Variants in TRMT11 observed in about 807,000 individuals in gnomAD.
The protein encoded by TRMT11 is tRNA (guanine(10)-N(2))-methyltransferase TRMT11.
Under a neutral mutation model 62.8 loss-of-function variants are expected in TRMT11, and 53 were observed. That is an observed-to-expected ratio of 0.84 (90% CI 0.68 to 1.06). The LOEUF is 1.06. Ranked by LOEUF, TRMT11 falls within the 50% of genes least tolerant of loss-of-function variation. TRMT11 has a pLI of 0.00. For synonymous variants in TRMT11, 188 were observed against 190.3 expected, an observed-to-expected ratio of 0.99 and a Z score of 0.10; for missense variants, 556 against 553.4, an observed-to-expected ratio of 1.00 and a Z score of -0.05.
At chr6:126,202,290 G>GTTTCA (rs1385177243), downstream of TRMT11, 1 of 152,096 alleles carries the variant, frequency 6.6e-6, no homozygotes, top group Non-Finnish European at 1.5e-5. Flanking sequence ...CATATTTTCT[G>GTTTCA]TGTTTCTTAG....
chr6:126,229,814 G>A, the TRMT11 span, among the ~76,000 whole-genome samples: 1 of 152,122 alleles, frequency 6.6e-6, no homozygotes, highest in Admixed American at 6.6e-5. Flanking sequence ...ATCCTTTCAT[G>A]ATATTGTAGT....
downstream of TRMT11, among the ~76,000 whole-genome samples, chr6:126,040,835 C>T (rs992668000): frequency 1.3e-5 from 2 of 152,144 alleles, no homozygotes; most frequent in Admixed American, 6.5e-5. Context: ...GCCTCCTTCC[C>T]GTCTATTCTG....
chr6:126,173,949 A>T (rs1412596513), upstream of TRMT11, among the ~76,000 whole-genome samples: 3 of 152,102 alleles, frequency 2.0e-5, no homozygotes, highest in East Asian at 5.8e-4. Flanking sequence ...TGGGTGGGGG[A>T]GCTATTCCTT....
chr6:126,124,335 G>A (rs1316133580), intron 21 of TRMT11, among the ~76,000 whole-genome samples: 1 of 152,092 alleles, frequency 6.6e-6, no homozygotes, highest in East Asian at 1.9e-4. Flanking sequence ...AGAGCTGAAT[G>A]TGGGCATGGA....
At chr6:125,998,013 A>G in intron 3 of TRMT11, 40 bp from the exon 4 acceptor site, 1 of 1,376,732 alleles carries the variant, frequency 7.3e-7, no homozygotes. Flanking sequence ...GTGTGAACTA[A>G]GTTCTTTACT....
At chr6:126,092,479 G>GC (rs1219098838) in intron 17 of TRMT11, among the ~76,000 whole-genome samples, 3 of 152,236 alleles carry the variant, frequency 2.0e-5, no homozygotes, top group African/African-American at 7.2e-5. Flanking sequence ...GGGGGAAACC[G>GC]CCCCCATGAT....
chr6:126,032,251 TATAA>T (rs1416446991), intron 12 of TRMT11, among the ~76,000 whole-genome samples: 3 of 152,186 alleles, frequency 2.0e-5, no homozygotes, highest in Non-Finnish European at 4.4e-5. Context: ...TCTTTCAGAA[TATAA>T]ATAGATAAGG....
chr6:126,248,810 A>G, the TRMT11 span, among the ~76,000 whole-genome samples: 2 of 152,102 alleles, frequency 1.3e-5, no homozygotes, highest in Non-Finnish European at 2.9e-5. Flanking sequence ...AATAAGTAAA[A>G]TGTCACTCTT....
chr6:126,198,869 C>T lies in TRMT11; in HGVS notation n.214C>T, dbSNP rs769818255. ...GAGAAGAGCACAGCAGTATTTCCTT[C>T]CAAAATGTAAGCAGCACAACCTTCC... On this transcript the variant is annotated non_coding_transcript_exon_variant, in exon 2 of 4. Transcript: ENST00000444229. 6.6e-5 allele frequency: 10 copies of T among 152,230 alleles called. No homozygotes were observed. The South Asian group carries it at 1.0e-3, about 16-fold the overall frequency. The allele number at this position is 152,230 out of a possible 1,614,324, so 9.4% of individuals were successfully genotyped here.
intron 21 of TRMT11, among the ~76,000 whole-genome samples, chr6:126,158,219 T>G (rs1195489839): frequency 2.0e-5 from 3 of 152,224 alleles, no homozygotes; most frequent in Non-Finnish European, 4.4e-5. Flanking sequence ...TTTTGAAACC[T>G]TCAGTCTATG....
chr6:126,043,518 G>C (rs1383898658), downstream of TRMT11, among the ~76,000 whole-genome samples: 10 of 149,792 alleles, frequency 6.7e-5, no homozygotes, highest in Non-Finnish European at 1.4e-4. Context: ...AAACATACGT[G>C]TGCATGTGTC....
At chr6:126,061,405 G>A (rs771155051) in intron 17 of TRMT11, among the ~76,000 whole-genome samples, 18 of 152,096 alleles carry the variant, frequency 1.2e-4, no homozygotes, top group Non-Finnish European at 2.5e-4. Context: ...TGAATTATTT[G>A]TTTATTTAAA....
chr6:126,171,154 T>C (rs992016471), intron 21 of TRMT11, among the ~76,000 whole-genome samples: 1 of 152,190 alleles, frequency 6.6e-6, no homozygotes, highest in African/African-American at 2.4e-5. Flanking sequence ...CACCAGAATT[T>C]ATTCTGGGGA....
intron 12 of TRMT11, among the ~76,000 whole-genome samples, chr6:126,026,387 T>TG (rs112737962): frequency 0.12 from 18,355 of 151,608 alleles, 3,602 homozygotes; most frequent in African/African-American, 0.42. Flanking sequence ...TTTTATGTTT[T>TG]TTTTTAATTT....
intron 7 of TRMT11, among the ~76,000 whole-genome samples, chr6:126,002,193 A>G (rs996610477): frequency 2.0e-5 from 3 of 152,218 alleles, no homozygotes; most frequent in African/African-American, 4.8e-5. Flanking sequence ...ATATGCATAT[A>G]TACACAATAT....
chr6:126,122,128 G>T (rs7749090), intron 21 of TRMT11, among the ~76,000 whole-genome samples: 2,894 of 152,108 alleles, frequency 0.019, 95 homozygotes, highest in African/African-American at 0.066. Context: ...TGCCTGCCAT[G>T]TAAGACTTTG....
intron 17 of TRMT11, among the ~76,000 whole-genome samples, chr6:126,092,150 A>G (rs887290464): frequency 1.4e-4 from 22 of 152,208 alleles, no homozygotes; most frequent in Admixed American, 3.9e-4. Flanking sequence ...TGGTGTGTTT[A>G]ATTACGATGA....
chr6:126,177,502 T>C (rs1328456455), intron 1 of TRMT11, among the ~76,000 whole-genome samples: 1 of 152,198 alleles, frequency 6.6e-6, no homozygotes, highest in South Asian at 2.1e-4. Context: ...AACATGTTTA[T>C]ACTAATTTCT....
At position 126,013,029 on chromosome 6, in the gene TRMT11, T is replaced by G. The variant is rs765063399; in HGVS notation, c.1067T>G (p.Leu356Arg). The G allele has an allele frequency of 3.7e-6, 6 of 1,613,944 alleles. No homozygotes were observed. Among genetic ancestry groups the G allele is most frequent in the Non-Finnish European group, 5.1e-6 (6 of 1,179,908 alleles). Reference protein sequence around the residue: ...SYHLSDMFLDLLNFAAETLVL... With the variant: ...SYHLSDMFLDRLNFAAETLVL... ...CATCTGAGTGATATGTTTCTTGACC[T>G]GTTAAACTTCGCAGCTGAGACCCTC... The change falls in exon 11 of 13, where the codon CTG (leucine) becomes CGG (arginine). Residue 356 changes from leucine (L) to arginine (R), a missense_variant. Transcript: ENST00000334379.
Sources: gnomAD v4.1 joint callset for allele counts (sites outside exome capture counted in the v4.1 genomes callset) on GRCh38, gnomAD v4.1.1 for gene constraint, MANE v1.5 for transcripts, NCBI Gene and HGNC (gene_info 2026-07-23, HGNC 2026-07-21) for gene names.